Variants in AQP9 observed in about 807,000 individuals in gnomAD.
AQP9 encodes aquaporin 9, also known as aquaporin-9.
A neutral mutation model predicts 23.8 loss-of-function variants in AQP9; 19 were observed. The ratio of observed to expected loss-of-function variants is 0.80; its 90% CI spans 0.56 to 1.17. The LOEUF (loss-of-function observed/expected upper bound fraction) is 1.17. Among genes scored for constraint, AQP9 ranks in the 50% most tolerant of loss-of-function variants. The pLI is 0.00. For synonymous variants in AQP9, 153 were observed against 131.5 expected (o/e 1.16, Z -1.12); for missense variants, 413 against 362.0 (o/e 1.14, Z -1.14).
chr15:58,169,041 C>G (rs1898566696), intron 2 of AQP9, among the ~76,000 whole-genome samples: 1 of 152,114 alleles, frequency 6.6e-6, no homozygotes, highest in Non-Finnish European at 1.5e-5. Flanking sequence ...CATTGATATA[C>G]CTGGGGATTT....
At chr15:58,174,660 G>C (rs956455401) in intron 3 of AQP9, among the ~76,000 whole-genome samples, 3 of 152,202 alleles carry the variant, frequency 2.0e-5, no homozygotes, top group African/African-American at 7.2e-5. Flanking sequence ...CTCATTCCCA[G>C]GACCCTATCG....
chr15:58,163,713 T>C (rs148668475), intron 1 of AQP9, among the ~76,000 whole-genome samples: 5 of 152,254 alleles, frequency 3.3e-5, no homozygotes, highest in Non-Finnish European at 7.4e-5. Context: ...ACGGCAGTTC[T>C]TGAAGGTGAG....
intron 2 of AQP9, among the ~76,000 whole-genome samples, chr15:58,172,445 G>A (rs541314046): frequency 6.6e-6 from 1 of 152,300 alleles, no homozygotes; most frequent in South Asian, 2.1e-4. Context: ...GCTGGAGCTT[G>A]GGCTGGGCTC....
chr15:58,152,429 A>C (rs1400603988), intron 1 of AQP9: 1 of 152,190 alleles, frequency 6.6e-6, no homozygotes, highest in African/African-American at 2.4e-5. Flanking sequence ...TTTACACAAG[A>C]AAATACATTA....
chr15:58,158,133 G>A (rs1365934312), intron 1 of AQP9, among the ~76,000 whole-genome samples: 3 of 152,110 alleles, frequency 2.0e-5, no homozygotes, highest in Non-Finnish European at 4.4e-5. Flanking sequence ...GCTACCTGGG[G>A]TCTTCAAGTC....
intron 4 of AQP9, among the ~76,000 whole-genome samples, chr15:58,178,891 G>A (rs1328940369): frequency 6.6e-6 from 1 of 152,142 alleles, no homozygotes; most frequent in Non-Finnish European, 1.5e-5. Flanking sequence ...TACTAAGTGG[G>A]CAGGGTAACC....
intron 2 of AQP9, 137 bp from the exon 3 acceptor site, chr15:58,172,931 G>A (rs1898654264): frequency 9.7e-7 from 1 of 1,029,808 alleles, no homozygotes; most frequent in East Asian, 2.4e-5. Context: ...TCTTTCACGT[G>A]CATACACACC....
chr15:58,183,023 A>G (rs78577564), intron 5 of AQP9, among the ~76,000 whole-genome samples: 3,666 of 152,288 alleles, frequency 0.024, 89 homozygotes, highest in African/African-American at 0.057. Flanking sequence ...CATGGAACAT[A>G]TGTGTAGTTA....
chr15:58,182,747 G>T (rs778342065), intron 5 of AQP9, among the ~76,000 whole-genome samples: 17 of 152,132 alleles, frequency 1.1e-4, no homozygotes. Context: ...TCTGGTGGCT[G>T]CCATGCTCAG....
At position 58,147,073 on chromosome 15, in the gene AQP9, T is replaced by C. The variant is rs75824577; in HGVS notation, c.111+8397T>C. ...TCAAGGCGCTTGGGAGAAAAGTCCG[T>C]TCTGGATCACTGATCTAAGGGCTGC... On this transcript the variant is annotated intron_variant, in intron 1 of 5. Coordinates refer to ENST00000219919, the MANE Select transcript of AQP9 (RefSeq NM_020980.5). Among the ~76,000 whole-genome samples, 416 of 152,274 alleles carry C rather than the reference T, an allele frequency of 2.7e-3. 4 individuals carry two copies. Among genetic ancestry groups the C allele is most frequent in the African/African-American group, 9.1e-3 (380 of 41,552 alleles).
At chr15:58,139,144 A>T (rs28654758) in intron 1 of AQP9, among the ~76,000 whole-genome samples, 1,832 of 152,320 alleles carry the variant, frequency 0.012, 44 homozygotes, top group African/African-American at 0.042. Flanking sequence ...AGTACTTGAC[A>T]AGTATTGTGC....
intron 1 of AQP9, chr15:58,164,280 G>A (rs564164934): frequency 6.6e-6 from 1 of 152,304 alleles, no homozygotes; most frequent in East Asian, 1.9e-4. Context: ...GACCATAAAA[G>A]AGGGGAGACG....
intron 1 of AQP9, among the ~76,000 whole-genome samples, chr15:58,143,458 A>G (rs1897985634): frequency 6.6e-6 from 1 of 152,198 alleles, no homozygotes; most frequent in Non-Finnish European, 1.5e-5. Flanking sequence ...TAGATGAGGA[A>G]ATTAGGACTT....
At chr15:58,179,433 T>C in intron 5 of AQP9, 88 bp downstream of exon 5, 3 of 1,247,664 alleles carry the variant, frequency 2.4e-6, no homozygotes, top group Non-Finnish European at 3.3e-6. Flanking sequence ...TCCAGGGAAG[T>C]TCAGATGACA....
At chr15:58,167,051 C>T (rs1225053838) in intron 2 of AQP9, among the ~76,000 whole-genome samples, 3 of 152,248 alleles carry the variant, frequency 2.0e-5, no homozygotes, top group Admixed American at 6.5e-5. Context: ...TAAGTCTGGC[C>T]GCTGCATCTT....
chr15:58,174,765 T>A (rs1429380600), intron 3 of AQP9, among the ~76,000 whole-genome samples, 153 bp from the exon 4 acceptor site: 1 of 152,182 alleles, frequency 6.6e-6, no homozygotes, highest in Non-Finnish European at 1.5e-5. Flanking sequence ...TGGGCATCTC[T>A]AAAACTATCA....
chr15:58,139,628 A>T (rs1377528022), intron 1 of AQP9, among the ~76,000 whole-genome samples: 1 of 152,230 alleles, frequency 6.6e-6, no homozygotes. Flanking sequence ...GTGCATTAAA[A>T]GTTCTTTGCT....
chr15:58,178,427 C>G (rs1371961737), intron 4 of AQP9, among the ~76,000 whole-genome samples: 4 of 152,060 alleles, frequency 2.6e-5, no homozygotes, highest in Non-Finnish European at 5.9e-5. Flanking sequence ...GATTTTTCCA[C>G]GTTTTAGATT....
At chr15:58,154,750 A>G (rs1243352758) in intron 1 of AQP9, among the ~76,000 whole-genome samples, 1 of 152,104 alleles carries the variant, frequency 6.6e-6, no homozygotes, top group Non-Finnish European at 1.5e-5. Flanking sequence ...AGTCCCACCA[A>G]AATTCAACAG....
Sources: gnomAD v4.1 joint callset for allele counts (sites outside exome capture counted in the v4.1 genomes callset) on GRCh38, gnomAD v4.1.1 for gene constraint, MANE v1.5 for transcripts, NCBI Gene and HGNC (gene_info 2026-07-23, HGNC 2026-07-21) for gene names.